The following LRP1B variants were observed in gnomAD, a reference collection of about 807,000 sequenced individuals.
LRP1B encodes the protein LDL receptor related protein 1B.
In LRP1B, 217 loss-of-function variants were observed where a neutral mutation model predicts 556.6. The observed-to-expected ratio is 0.39, with a 90% CI of 0.35 to 0.44. The LOEUF (loss-of-function observed/expected upper bound fraction) is 0.44. Among genes scored for constraint, LRP1B ranks in the 20% least tolerant of loss-of-function variants. The pLI, the probability that LRP1B is intolerant of heterozygous loss-of-function variation, is 1.00. For missense variants in LRP1B, 5,053 were observed against 5,620.8 expected (o/e 0.90, Z 3.23); for synonymous variants, 2,047 against 1,865.8 (o/e 1.10, Z -2.50).
At chr2:141,294,491 G>C (rs1686104300) in intron 3 of LRP1B, among the ~76,000 whole-genome samples, 1 of 152,042 alleles carries the variant, frequency 6.6e-6, no homozygotes, top group Admixed American at 6.6e-5. Flanking sequence ...GGGAGGCCAT[G>C]GTGGGAGGAT....
intron 2 of LRP1B, among the ~76,000 whole-genome samples, chr2:141,780,450 A>G (rs1695217453): frequency 6.6e-6 from 1 of 152,192 alleles, no homozygotes; most frequent in African/African-American, 2.4e-5. Flanking sequence ...AATGTATTCT[A>G]TTATTTAATT....
At chr2:141,044,740 G>A (rs1267691141) in intron 11 of LRP1B, among the ~76,000 whole-genome samples, 3 of 148,556 alleles carry the variant, frequency 2.0e-5, no homozygotes, top group Non-Finnish European at 4.5e-5. Context: ...ACACCAGTTA[G>A]AATGGCAATC....
chr2:142,116,382 G>A (rs1707278358), intron 1 of LRP1B, among the ~76,000 whole-genome samples: 1 of 151,884 alleles, frequency 6.6e-6, no homozygotes, highest in Non-Finnish European at 1.5e-5. Flanking sequence ...AAGCCAAATT[G>A]TAGGACAGTT....
chr2:140,772,311 G>GTATA (rs3061696), intron 33 of LRP1B, among the ~76,000 whole-genome samples: 12 of 150,258 alleles, frequency 8.0e-5, no homozygotes, highest in African/African-American at 2.2e-4. Context: ...TTGTATGTAT[G>GTATA]TATATATATA....
chr2:140,757,597 G>A (rs1688780242), intron 35 of LRP1B, among the ~76,000 whole-genome samples: 3 of 152,190 alleles, frequency 2.0e-5, no homozygotes, highest in Admixed American at 6.5e-5. Context: ...GAGACAGAAA[G>A]CAGGCTAGAT....
Position 141,019,948 on chromosome 2 carries a change from T to C in LRP1B, c.1944A>G (p.Arg648=), listed in dbSNP as rs760815725. The change falls in exon 12 of 91, where the codon AGA becomes AGG. Residue 648 remains arginine, a synonymous_variant. Transcript: ENST00000389484. ...CATTAACTGGATCCACCACAATTCC[T>C]CTGGGATGAGACATTTCACCCTCTA... The part of the protein sequence containing the change: ...TLLEGEMSHP[R]GIVVDPVNGW... 18 of 1,608,238 alleles carry C rather than the reference T, an allele frequency of 1.1e-5. No individual in the cohort carries two copies. The Middle Eastern group carries it at 6.6e-4, about 59-fold the overall frequency.
chr2:141,251,081 T>C (rs1684243292), intron 4 of LRP1B, among the ~76,000 whole-genome samples: 1 of 152,164 alleles, frequency 6.6e-6, no homozygotes, highest in African/African-American at 2.4e-5. Context: ...AGAGCTGAGT[T>C]TTACTTCTGG....
intron 1 of LRP1B, among the ~76,000 whole-genome samples, chr2:142,018,847 T>C (rs964040509): frequency 2.0e-5 from 3 of 152,026 alleles, no homozygotes; most frequent in African/African-American, 7.2e-5. Context: ...AATGCCTAAA[T>C]TCTCCATTTC....
At chr2:140,346,165 TAGGCTTTAA>T (rs1180592426) in intron 77 of LRP1B, among the ~76,000 whole-genome samples, 2 of 151,646 alleles carry the variant, frequency 1.3e-5, no homozygotes, top group Non-Finnish European at 1.5e-5. Context: ...AAGTAACAAG[TAGGCTTTAA>T]ATAAGCCTTT....
chr2:140,613,362 T>TAC (rs1683141019), intron 41 of LRP1B, among the ~76,000 whole-genome samples: 5 of 130,492 alleles, frequency 3.8e-5, no homozygotes, highest in African/African-American at 1.3e-4. Context: ...AATAATTATA[T>TAC]AAATATAAAT....
chr2:140,470,412 G>T (rs750798734), intron 60 of LRP1B, among the ~76,000 whole-genome samples: 46 of 152,032 alleles, frequency 3.0e-4, no homozygotes, highest in Non-Finnish European at 6.0e-4. Flanking sequence ...GGGAGGCCTA[G>T]GCGGGCGAAA....
chr2:140,283,574 G>A (rs1410650314), intron 84 of LRP1B, among the ~76,000 whole-genome samples: 1 of 151,590 alleles, frequency 6.6e-6, no homozygotes, highest in African/African-American at 2.4e-5. Flanking sequence ...ATCTCTAAGT[G>A]TCCAGGGAGA....
At chr2:141,227,056 AAT>A (rs992186432) in intron 6 of LRP1B, among the ~76,000 whole-genome samples, 9 of 151,682 alleles carry the variant, frequency 5.9e-5, no homozygotes, top group African/African-American at 2.4e-5. Flanking sequence ...ACAACAACAA[AAT>A]ATATGTTTCT....
chr2:142,043,427 T>C (rs760751914), intron 1 of LRP1B, among the ~76,000 whole-genome samples: 20 of 151,624 alleles, frequency 1.3e-4, no homozygotes, highest in Non-Finnish European at 2.1e-4. Context: ...AAAGGTGACA[T>C]TTCATTTTAC....
chr2:141,793,145 G>A (rs1275273543), intron 2 of LRP1B, among the ~76,000 whole-genome samples: 1 of 151,870 alleles, frequency 6.6e-6, no homozygotes, highest in Non-Finnish European at 1.5e-5. Context: ...TCATAGTCAA[G>A]TATCTTTTTG....
chr2:140,886,367 G>GAAAATGT, intron 23 of LRP1B, 32 bp from the exon 24 acceptor site: 1 of 1,229,634 alleles, frequency 8.1e-7, no homozygotes, highest in Non-Finnish European at 1.1e-6. Context: ...ATAGGCTTAT[G>GAAAATGT]AAAATGTAAA....
intron 73 of LRP1B, among the ~76,000 whole-genome samples, chr2:140,358,406 A>T (rs1335297948): frequency 6.6e-6 from 1 of 151,708 alleles, no homozygotes; most frequent in Non-Finnish European, 1.5e-5. Flanking sequence ...CAATTAGGTC[A>T]GGTCAAGCTT....
chr2:142,003,380 T>G (rs1036519621), intron 1 of LRP1B, among the ~76,000 whole-genome samples: 2 of 152,174 alleles, frequency 1.3e-5, no homozygotes, highest in African/African-American at 4.8e-5. Context: ...GGACCTACAG[T>G]CTTTTGGGCT....
At chr2:141,992,903 A>G (rs940076322) in intron 1 of LRP1B, among the ~76,000 whole-genome samples, 9 of 152,188 alleles carry the variant, frequency 5.9e-5, no homozygotes, top group Admixed American at 3.3e-4. Context: ...AAATCACTGT[A>G]ATTTCAGCAA....
Sources: gnomAD v4.1 joint callset for allele counts (sites outside exome capture counted in the v4.1 genomes callset) on GRCh38, gnomAD v4.1.1 for gene constraint, MANE v1.5 for transcripts, NCBI Gene and HGNC (gene_info 2026-07-23, HGNC 2026-07-21) for gene names.